Variants in HS3ST4 observed in about 807,000 individuals in gnomAD.
The protein encoded by HS3ST4 is heparan sulfate-glucosamine 3-sulfotransferase 4.
A neutral mutation model predicts 29.2 loss-of-function variants in HS3ST4; 17 were observed. The observed-to-expected ratio is 0.58, with a 90% CI of 0.40 to 0.87. The LOEUF (loss-of-function observed/expected upper bound fraction) is 0.87, where lower values mean the gene tolerates loss of function less well. Ranked by LOEUF, HS3ST4 falls within the 40% of genes least tolerant of loss-of-function variation. HS3ST4 has a pLI of 0.00. For missense variants in HS3ST4, 627 were observed against 634.5 expected (o/e 0.99, Z 0.13); for synonymous variants, 314 against 285.7 (o/e 1.10, Z -1.00).
At chr16:25,710,841 G>A (rs1289249076) in intron 1 of HS3ST4, among the ~76,000 whole-genome samples, 1 of 97,894 alleles carries the variant, frequency 1.0e-5, no homozygotes, top group Non-Finnish European at 1.9e-5. Context: ...TTTAATGACA[G>A]GATCTTGCTT....
At chr16:26,067,918 C>T (rs751451781) in intron 1 of HS3ST4, among the ~76,000 whole-genome samples, 23 of 152,198 alleles carry the variant, frequency 1.5e-4, no homozygotes, top group Non-Finnish European at 3.1e-4. Flanking sequence ...CTTTGCTCCT[C>T]CTTTGCCTTC....
At chr16:25,765,331 G>C (rs952173404) in intron 1 of HS3ST4, among the ~76,000 whole-genome samples, 14 of 152,156 alleles carry the variant, frequency 9.2e-5, no homozygotes, top group Non-Finnish European at 1.5e-5. Context: ...CCGCTGGGAA[G>C]CCAATTCTAA....
chr16:25,806,526 C>G (rs1244456439), intron 1 of HS3ST4, among the ~76,000 whole-genome samples: 1 of 152,080 alleles, frequency 6.6e-6, no homozygotes, highest in Admixed American at 6.5e-5. Context: ...TGAACACAAT[C>G]CATTTTATAT....
At chr16:26,036,615 T>G (rs73512491) in intron 1 of HS3ST4, among the ~76,000 whole-genome samples, 1 of 152,204 alleles carries the variant, frequency 6.6e-6, no homozygotes, top group Non-Finnish European at 1.5e-5. Flanking sequence ...GAAGATTAGA[T>G]GTACTTTTTT....
Position 25,692,945 on chromosome 16 carries a change from G to A in HS3ST4, c.528G>A (p.Ala176=), listed in dbSNP as rs1043924225. Reference sequence around the variant, plus strand: ...ACGAGGATCTCGCAGGCCGGAGAGCGGCCAACGGGAGCAGCGAGAGGGGCG... The same window carrying A: ...ACGAGGATCTCGCAGGCCGGAGAGCAGCCAACGGGAGCAGCGAGAGGGGCG... The part of the protein sequence containing the change: ...TTDEDLAGRR[A]ANGSSERGGA... The change falls in exon 1 of 2, where the codon GCG becomes GCA. Residue 176 remains alanine (A), a synonymous_variant. Transcript: ENST00000331351. 1 of 1,609,462 alleles carries A rather than the reference G, an allele frequency of 6.2e-7. No individual in the cohort carries two copies. The highest frequency in any genetic ancestry group is 8.5e-7 in the Non-Finnish European group (1 of 1,178,594).
At chr16:26,087,011 C>T (rs1898798127) in intron 1 of HS3ST4, among the ~76,000 whole-genome samples, 3 of 152,212 alleles carry the variant, frequency 2.0e-5, no homozygotes, top group Non-Finnish European at 4.4e-5. Context: ...TCCAGACCAC[C>T]TCGTTGTTCA....
intron 1 of HS3ST4, among the ~76,000 whole-genome samples, chr16:25,984,951 C>A (rs921284859): frequency 6.6e-6 from 1 of 152,158 alleles, no homozygotes; most frequent in South Asian, 2.1e-4. Context: ...TTGGCCTGGT[C>A]CCTGGAGAGA....
chr16:25,847,594 T>C lies in HS3ST4; in HGVS notation c.734+154443T>C, dbSNP rs555212053. ...TTTATTTTAATTGAAATGCTTATAGTGTGTCACTCCTGAATATATAGTTGT... is the reference window on the plus strand; with the variant it reads ...TTTATTTTAATTGAAATGCTTATAGCGTGTCACTCCTGAATATATAGTTGT... On this transcript the variant is annotated intron_variant, in intron 1 of 1. Coordinates refer to ENST00000331351, the MANE Select transcript of HS3ST4 (RefSeq NM_006040.3). Among the ~76,000 whole-genome samples, 6 of 152,306 alleles carry C rather than the reference T, an allele frequency of 3.9e-5. No homozygotes were observed. In the South Asian group the frequency reaches 1.2e-3, roughly 32 times the overall value.
At chr16:26,022,389 T>C (rs1969422136) in intron 1 of HS3ST4, among the ~76,000 whole-genome samples, 1 of 152,190 alleles carries the variant, frequency 6.6e-6, no homozygotes, top group Non-Finnish European at 1.5e-5. Context: ...TCATCTGCAA[T>C]TACATAGTGG....
chr16:25,873,259 C>T (rs1230546327), intron 1 of HS3ST4, among the ~76,000 whole-genome samples: 1 of 151,652 alleles, frequency 6.6e-6, no homozygotes, highest in Non-Finnish European at 1.5e-5. Context: ...GCAAGCCATC[C>T]ATCCATCCAT....
chr16:25,754,965 CCATTCATCCACCCACCCAGT>C (rs1290020639), intron 1 of HS3ST4, among the ~76,000 whole-genome samples: 1 of 151,952 alleles, frequency 6.6e-6, no homozygotes, highest in African/African-American at 2.4e-5. Context: ...ATCCAGGTAC[CCATTCATCCACCCACCCAGT>C]CATCCATCCA....
In HS3ST4 at chr16:25,971,319, CA is replaced by C. The variant is rs774390661; in HGVS notation, c.735-164291del. Among the ~76,000 whole-genome samples, 5 of 152,226 alleles carry C rather than the reference CA, an allele frequency of 3.3e-5. No homozygotes were observed. In the East Asian group the frequency reaches 9.6e-4, roughly 29 times the overall value. ...TGATGTATCTGATGGAAGCCTGCTT[CA>C]ACCTTGCAGCTGGCACATAATTGCA... On this transcript the variant is annotated intron_variant, in intron 1 of 1. Transcript: ENST00000331351.
At chr16:25,791,690 T>C (rs1000104851) in intron 1 of HS3ST4, among the ~76,000 whole-genome samples, 1 of 152,130 alleles carries the variant, frequency 6.6e-6, no homozygotes, top group African/African-American at 2.4e-5. Flanking sequence ...AATGCTTTCA[T>C]TTTTGAATTG....
intron 1 of HS3ST4, among the ~76,000 whole-genome samples, chr16:25,894,333 C>T (rs1014719680): frequency 6.6e-6 from 1 of 152,042 alleles, no homozygotes; most frequent in Non-Finnish European, 1.5e-5. Context: ...CAGATATAGG[C>T]AAAGAAGTCA....
chr16:26,048,348 A>G (rs1898294112), intron 1 of HS3ST4, among the ~76,000 whole-genome samples: 1 of 152,252 alleles, frequency 6.6e-6, no homozygotes, highest in Non-Finnish European at 1.5e-5. Flanking sequence ...TGGCAACATG[A>G]GAAAGGATAG....
chr16:25,832,294 GAAAGTTTGTTCTCAA>G (rs1341670227), intron 1 of HS3ST4, among the ~76,000 whole-genome samples: 2 of 152,058 alleles, frequency 1.3e-5, no homozygotes, highest in Non-Finnish European at 2.9e-5. Context: ...CCATAATAAA[GAAAGTTTGTTCTCAA>G]ATGCAGAAAC....
At chr16:26,125,995 T>A (rs1899338674) in intron 1 of HS3ST4, among the ~76,000 whole-genome samples, 2 of 152,254 alleles carry the variant, frequency 1.3e-5, no homozygotes, top group Admixed American at 1.3e-4. Context: ...TCTTAGGTTT[T>A]AAGAAAGATT....
chr16:25,858,966 G>A (rs1471951136), intron 1 of HS3ST4, among the ~76,000 whole-genome samples: 2 of 151,940 alleles, frequency 1.3e-5, no homozygotes, highest in African/African-American at 2.4e-5. Flanking sequence ...TTTGGGTTTG[G>A]AACTCAAACC....
chr16:26,133,466 C>A lies in HS3ST4; in HGVS notation c.735-2146C>A, dbSNP rs558811280. ...TTAGACAAATTGATCTGTTGAGAAC[C>A]AAACAGACACACACAAAGGCATTCA... is the stretch of plus-strand genomic sequence containing the variant. On this transcript the variant is annotated intron_variant, in intron 1 of 1. Transcript: ENST00000331351. Among the ~76,000 whole-genome samples the A allele has an allele frequency of 2.9e-4, 44 of 152,190 alleles. No individual in the cohort carries two copies. The South Asian group carries it at 8.1e-3, about 28-fold the overall frequency.
Sources: allele counts gnomAD v4.1 joint callset (sites outside exome capture counted in the v4.1 genomes callset), GRCh38; gene constraint gnomAD v4.1.1; transcripts MANE v1.5; gene names NCBI Gene and HGNC (gene_info 2026-07-23, HGNC 2026-07-21).